The following SLCO1A2 variants were observed in gnomAD, a reference collection of about 807,000 sequenced individuals.
SLCO1A2 encodes the protein solute carrier organic anion transporter family member 1A2, also known as OATP-1.
In SLCO1A2, 67 loss-of-function variants were observed where a neutral mutation model predicts 69.0. The ratio of observed to expected loss-of-function variants is 0.97; its 90% CI spans 0.80 to 1.19. SLCO1A2 has a LOEUF of 1.19. Among genes scored for constraint, SLCO1A2 ranks in the 50% most tolerant of loss-of-function variants. The pLI is 0.00. For synonymous variants in SLCO1A2, 260 were observed against 265.9 expected (o/e 0.98, Z 0.22); for missense variants, 787 against 793.7 (o/e 0.99, Z 0.10).
chr12:21,371,461 G>A (rs1043530049), intron 2 of SLCO1A2, among the ~76,000 whole-genome samples: 1 of 151,858 alleles, frequency 6.6e-6, no homozygotes, highest in Non-Finnish European at 1.5e-5. Context: ...TAGAATCATT[G>A]AATAATTAGA....
chr12:21,275,465 A>T, intron 12 of SLCO1A2, 41 bp from the exon 13 acceptor site: 1 of 1,385,892 alleles, frequency 7.2e-7, no homozygotes, highest in Admixed American at 2.9e-5. Flanking sequence ...AAAAATAAAG[A>T]TTTAAAACTA....
intron 12 of SLCO1A2, among the ~76,000 whole-genome samples, chr12:21,281,962 C>G (rs1225977655): frequency 6.6e-6 from 1 of 151,736 alleles, no homozygotes; most frequent in African/African-American, 2.4e-5. Flanking sequence ...AAGAAATGAC[C>G]CAATGGCTTC....
intron 11 of SLCO1A2, among the ~76,000 whole-genome samples, chr12:21,293,302 C>CA (rs928453618): frequency 2.7e-5 from 4 of 150,482 alleles, no homozygotes; most frequent in South Asian, 2.1e-4. Context: ...GACTCCATCT[C>CA]AAAAAAAAGA....
chr12:21,357,282 T>C (rs755949031), intron 2 of SLCO1A2, among the ~76,000 whole-genome samples: 2 of 152,022 alleles, frequency 1.3e-5, no homozygotes, highest in Non-Finnish European at 2.9e-5. Context: ...AAAGGGGAAG[T>C]TTGGTCACAG....
chr12:21,349,007 T>C (rs1288252906), intron 2 of SLCO1A2, among the ~76,000 whole-genome samples: 4 of 152,108 alleles, frequency 2.6e-5, no homozygotes, highest in African/African-American at 4.8e-5. Flanking sequence ...TATATACAGC[T>C]GTGGGGGTAG....
chr12:21,306,588 A>T (rs1949427832), intron 5 of SLCO1A2, among the ~76,000 whole-genome samples: 1 of 152,108 alleles, frequency 6.6e-6, no homozygotes, highest in South Asian at 2.1e-4. Context: ...CAGCCTCCCA[A>T]AGTGCTGGGA....
At chr12:21,292,922 TACA>T (rs1257508185) in intron 11 of SLCO1A2, among the ~76,000 whole-genome samples, 7 of 152,214 alleles carry the variant, frequency 4.6e-5, no homozygotes, top group African/African-American at 1.7e-4. Flanking sequence ...AGTGTTTTGA[TACA>T]ACACTACATT....
rs531004465 is a variant in SLCO1A2 at position 21,292,191 on chromosome 12, G to A, written c.1583C>T (p.Ala528Val). Reference protein sequence around the residue: ...AMSSFIYSLAAIPGYMVLLRC... With the variant: ...AMSSFIYSLAVIPGYMVLLRC... ...CAAGAGAACCATATATCCAGGTATGGCAGCCAAAGAATAAATGAAACTGCT... is the reference window on the plus strand; with the variant it reads ...CAAGAGAACCATATATCCAGGTATGACAGCCAAAGAATAAATGAAACTGCT... Residue 528 changes from alanine (A) to valine (V), a missense_variant, in exon 12 of 15, where the codon GCC becomes GTC. By Grantham distance (64) the Ala-to-Val change is moderately conservative. Transcript: ENST00000683939. 4.4e-6 allele frequency: 7 copies of A among 1,604,796 alleles called. No homozygotes were observed. Among genetic ancestry groups the A allele is most frequent in the Non-Finnish European group, 6.0e-6 (7 of 1,175,288 alleles).
At chr12:21,398,461 T>G (rs1017726991), upstream of SLCO1A2, among the ~76,000 whole-genome samples, 11 of 144,294 alleles carry the variant, frequency 7.6e-5, no homozygotes, top group Non-Finnish European at 1.2e-4. Flanking sequence ...GAGGAACTGG[T>G]ACCATTCCTT....
chr12:21,352,075 G>A (rs1383169859), intron 2 of SLCO1A2, among the ~76,000 whole-genome samples: 2 of 152,108 alleles, frequency 1.3e-5, no homozygotes, highest in Non-Finnish European at 2.9e-5. Context: ...GATGCCTCCA[G>A]GGTCTCATAC....
intron 4 of SLCO1A2, among the ~76,000 whole-genome samples, chr12:21,312,770 G>C (rs1337654150): frequency 6.6e-6 from 1 of 152,046 alleles, no homozygotes; most frequent in Non-Finnish European, 1.5e-5. Context: ...CACAACATTT[G>C]TTGATTACAT....
At chr12:21,307,034 G>C in intron 4 of SLCO1A2, 46 bp from the exon 5 acceptor site, 1 of 1,288,932 alleles carries the variant, frequency 7.8e-7, no homozygotes, top group Non-Finnish European at 1.1e-6. Context: ...AAAGTAATGA[G>C]GACAATGTGG....
chr12:21,295,701 G>A lies in SLCO1A2; in HGVS notation c.1167C>T (p.His389=). ...KFKITVKQAA[H]IGCWLSLLEY... The stretch of plus-strand genomic sequence containing the variant: ...CAAGTAAGGATAACCAACATCCTAT[G>A]TGGGCAGCTTGTTTGACAGTAATCT... Residue 389 remains histidine, a synonymous_variant, in exon 10 of 15, where the codon CAC becomes CAT. Coordinates refer to ENST00000683939, the MANE Select transcript of SLCO1A2 (RefSeq NM_001386879.1). 2 of 1,608,270 alleles carry A rather than the reference G, an allele frequency of 1.2e-6. No homozygotes were observed. The highest frequency in any genetic ancestry group is 1.3e-5 in the African/African-American group (1 of 74,898).
At chr12:21,297,799 GC>G (rs1947960336) in intron 8 of SLCO1A2, among the ~76,000 whole-genome samples, 1 of 152,090 alleles carries the variant, frequency 6.6e-6, no homozygotes, top group South Asian at 2.1e-4. Flanking sequence ...CAACAGTTTT[GC>G]CCTCAATAAG....
At chr12:21,417,624 A>T (rs571987765) in intron 1 of SLCO1A2, among the ~76,000 whole-genome samples, 54 of 152,036 alleles carry the variant, frequency 3.6e-4, no homozygotes, top group Non-Finnish European at 7.2e-4. Flanking sequence ...CAATTTATAC[A>T]TGAATAATTT....
chr12:21,381,266 T>A (rs970102883), intron 1 of SLCO1A2, among the ~76,000 whole-genome samples: 2 of 151,438 alleles, frequency 1.3e-5, no homozygotes, highest in African/African-American at 4.9e-5. Context: ...AAACTACCCA[T>A]CCGATAAAGA....
At chr12:21,374,146 A>G (rs1940011066) in intron 2 of SLCO1A2, among the ~76,000 whole-genome samples, 1 of 152,186 alleles carries the variant, frequency 6.6e-6, no homozygotes, top group Admixed American at 6.5e-5. Context: ...TCTTATTACG[A>G]AAGGTTTCAT....
intron 2 of SLCO1A2, among the ~76,000 whole-genome samples, chr12:21,328,948 G>A (rs11830971): frequency 0.049 from 7,384 of 152,184 alleles, 587 homozygotes; most frequent in African/African-American, 0.17. Context: ...CATTATCTGG[G>A]GTGCTCCACT....
At position 21,266,086 on chromosome 12, in the gene SLCO1A2, G is replaced by A. The variant is rs1298375743; in HGVS notation, c.*3462C>T. ...GCCAAATTATTTACATTCTGAAAATGGGGATGCATGAGAGGACCCACAAAG... is the reference window on the plus strand; with the variant it reads ...GCCAAATTATTTACATTCTGAAAATAGGGATGCATGAGAGGACCCACAAAG... On this transcript the variant is annotated 3_prime_UTR_variant, in exon 15 of 15. Transcript: ENST00000683939. The A allele has an allele frequency of 2.0e-5, 3 of 152,104 alleles. No homozygotes were observed. The highest frequency in any genetic ancestry group is 7.2e-5 in the African/African-American group (3 of 41,436). 9.4% of individuals were successfully genotyped at this position (152,104 alleles called of 1,614,324 possible). A position where few individuals can be genotyped will look rare whatever the true frequency, so the allele number is the denominator to read the frequency against.
Sources: allele counts gnomAD v4.1 joint callset (sites outside exome capture counted in the v4.1 genomes callset), GRCh38; gene constraint gnomAD v4.1.1; transcripts MANE v1.5; gene names NCBI Gene and HGNC (gene_info 2026-07-23, HGNC 2026-07-21).